PSME3IP1: variants seen among roughly 807,000 people sequenced by gnomAD.
PSME3IP1 encodes the protein proteasome activator subunit 3 interacting protein 1.
In PSME3IP1, 13 loss-of-function variants were observed where a neutral mutation model predicts 34.1. The observed-to-expected ratio is 0.38, with a 90% CI of 0.25 to 0.61. PSME3IP1 has a LOEUF of 0.61. Among genes scored for constraint, PSME3IP1 ranks in the 20% least tolerant of loss-of-function variants. PSME3IP1 has a pLI of 0.60. For synonymous variants in PSME3IP1, 93 were observed against 114.3 expected (o/e 0.81, Z 1.19); for missense variants, 237 against 301.4 (o/e 0.79, Z 1.58).
rs1197050244 is a variant in PSME3IP1, at chr16:57,153,051, G to T, written c.*1239C>A. ...AAAAACAATTGATGTAGGAATAAGG[G>T]GAATGGATAAAGAATGGTACATGCT... is the stretch of plus-strand genomic sequence containing the variant. On this transcript the variant is annotated 3_prime_UTR_variant, in exon 7 of 7. Coordinates refer to ENST00000309137, the MANE Select transcript of PSME3IP1 (RefSeq NM_024946.4). 1 of 152,668 alleles carries T rather than the reference G, an allele frequency of 6.6e-6. No individual in the cohort carries two copies. Among genetic ancestry groups the T allele is most frequent in the African/African-American group, 2.4e-5 (1 of 41,456 alleles). 9.5% of individuals were successfully genotyped at this position (152,668 alleles called of 1,614,324 possible).
intron 1 of PSME3IP1, chr16:57,174,557 A>G: frequency 1.0e-6 from 1 of 985,394 alleles, no homozygotes; most frequent in Non-Finnish European, 1.2e-6. Flanking sequence ...TTATTTCTGT[A>G]ACATCTGACA....
chr16:57,154,521 G>A lies in PSME3IP1; in HGVS notation c.548-14C>T. The A allele has an allele frequency of 1.3e-6, 2 of 1,585,226 alleles. No homozygotes were observed. Among genetic ancestry groups the A allele is most frequent in the Non-Finnish European group, 1.7e-6 (2 of 1,164,062 alleles). ...AGGATGAGGGCTCTGCAATAAAAGG[G>A]GAAAGACTGTCACTTCATCACCCTT... is the stretch of plus-strand genomic sequence containing the variant. On this transcript the variant is annotated splice_polypyrimidine_tract_variant and intron_variant, in intron 6 of 6. Coordinates refer to ENST00000309137, the MANE Select transcript of PSME3IP1 (RefSeq NM_024946.4). The surrounding 1 kb of genome is among the most constrained non-coding windows in gnomAD (Gnocchi z 4.0).
chr16:57,175,212 A>C (rs1276558831), intron 1 of PSME3IP1, among the ~76,000 whole-genome samples: 1 of 152,070 alleles, frequency 6.6e-6, no homozygotes, highest in Non-Finnish European at 1.5e-5. Flanking sequence ...ATGGGGTTTC[A>C]CTATGTTGGC....
At position 57,165,177 on chromosome 16, in the gene PSME3IP1, A is replaced by G. The variant is rs563875338; in HGVS notation, c.483-1112T>C. Among the ~76,000 whole-genome samples, 14 of 152,068 alleles carry G rather than the reference A, an allele frequency of 9.2e-5. No homozygotes were observed. The South Asian group carries it at 2.7e-3, about 29-fold the overall frequency. On this transcript the variant is annotated intron_variant, in intron 5 of 6. Transcript: ENST00000309137. ...GTTATATATATATATATATATCATC[A>G]TAAGGTGTTAAAACGTGTGTGGCGA... is the stretch of plus-strand genomic sequence containing the variant.
intron 6 of PSME3IP1, among the ~76,000 whole-genome samples, chr16:57,158,696 A>T (rs981388117): frequency 3.3e-5 from 5 of 152,276 alleles, no homozygotes; most frequent in African/African-American, 1.2e-4. Context: ...TCATTTTATC[A>T]AGTACAGACA....
chr16:57,166,792 C>A (rs982862680), intron 5 of PSME3IP1, among the ~76,000 whole-genome samples: 1 of 152,220 alleles, frequency 6.6e-6, no homozygotes, highest in East Asian at 1.9e-4. Flanking sequence ...TATAATTGTA[C>A]TTCATAGGGT....
At chr16:57,175,318 A>G (rs2073080160) in intron 1 of PSME3IP1, among the ~76,000 whole-genome samples, 1 of 151,606 alleles carries the variant, frequency 6.6e-6, no homozygotes, top group African/African-American at 2.4e-5. Context: ...TGGCCATATT[A>G]CTCCTTTTAA....
intron 1 of PSME3IP1, among the ~76,000 whole-genome samples, chr16:57,179,941 C>T (rs2073541009): frequency 6.6e-6 from 1 of 152,154 alleles, no homozygotes; most frequent in African/African-American, 2.4e-5. Context: ...TATTTCTGGC[C>T]AGAAGGCACT....
In PSME3IP1 at chr16:57,173,734, G is replaced by A; in HGVS notation, c.121C>T (p.Pro41Ser). The A allele has an allele frequency of 6.2e-7, 1 of 1,613,790 alleles. No homozygotes were observed. Among genetic ancestry groups the A allele is most frequent in the Non-Finnish European group, 8.5e-7 (1 of 1,179,978 alleles). The change falls in exon 2 of 7, where the codon CCA (proline) becomes TCA (serine). Residue 41 changes from proline (P) to serine (S), a missense_variant. Transcript: ENST00000309137. ...ACTGACTGTCACAGTATACCTTCTGGATCTTCAGGTTTTCGAACTTTCTCC... is the reference window on the plus strand; with the variant it reads ...ACTGACTGTCACAGTATACCTTCTGAATCTTCAGGTTTTCGAACTTTCTCC... ...EWEKVRKPED[P>S]EECPEEVYDP...
intron 4 of PSME3IP1, among the ~76,000 whole-genome samples, chr16:57,167,820 T>G (rs1284743084): frequency 6.6e-6 from 1 of 152,242 alleles, no homozygotes; most frequent in East Asian, 1.9e-4. Context: ...AAGGTGATTT[T>G]ACACTTGATC....
intron 6 of PSME3IP1, among the ~76,000 whole-genome samples, chr16:57,160,640 A>G (rs1352698370): frequency 2.0e-5 from 3 of 152,270 alleles, no homozygotes; most frequent in African/African-American, 2.4e-5. Flanking sequence ...GTGTTCATCA[A>G]TTAAAAAGTA....
chr16:57,181,826 G>C (rs972804908), intron 1 of PSME3IP1: 1 of 152,254 alleles, frequency 6.6e-6, no homozygotes, highest in African/African-American at 2.4e-5. Flanking sequence ...GCAATGCATA[G>C]GGCAAGGCAT....
Position 57,172,862 on chromosome 16 carries a change from T to A in PSME3IP1, c.140A>T (p.Glu47Val). The change falls in exon 3 of 7, where the codon GAG (glutamate) becomes GTG (valine). Residue 47 changes from glutamate to valine, a missense_variant. By Grantham distance (121) the Glu-to-Val change is moderately radical. Coordinates refer to ENST00000309137, the MANE Select transcript of PSME3IP1 (RefSeq NM_024946.4). The stretch of plus-strand genomic sequence containing the variant: ...ATATAGAGATCGAGGGTCATAAACC[T>A]CCTCTGGACATTCTGAAAGGAAAAG... ...KPEDPEECPE[E>V]VYDPRSLYER... The A allele has an allele frequency of 1.2e-6, 2 of 1,608,318 alleles. No individual in the cohort carries two copies. The highest frequency in any genetic ancestry group is 1.1e-5 in the South Asian group (1 of 90,980).
chr16:57,165,092 T>G (rs2071706083), intron 5 of PSME3IP1, among the ~76,000 whole-genome samples: 1 of 149,306 alleles, frequency 6.7e-6, no homozygotes, highest in African/African-American at 2.5e-5. Context: ...CAAAACCACA[T>G]GCAATTAAGT....
intron 4 of PSME3IP1, among the ~76,000 whole-genome samples, chr16:57,170,552 G>A (rs2072450641): frequency 6.6e-6 from 1 of 152,166 alleles, no homozygotes; most frequent in Non-Finnish European, 1.5e-5. Context: ...TTCCTCACAT[G>A]AAGATAAATG....
Position 57,154,233 on chromosome 16 carries a change from A to G in PSME3IP1, c.*57T>C. ...TTTGAGGGACATAATGCCTATAGGC[A>G]GCATGAACGGTCCGATCTACCCTTG... On this transcript the variant is annotated 3_prime_UTR_variant, in exon 7 of 7. Coordinates refer to ENST00000309137, the MANE Select transcript of PSME3IP1 (RefSeq NM_024946.4). The surrounding 1 kb of genome is among the most constrained non-coding windows in gnomAD (Gnocchi z 4.0). 1 of 1,482,546 alleles carries G rather than the reference A, an allele frequency of 6.7e-7. No individual in the cohort carries two copies. 91.8% of individuals were successfully genotyped at this position (1,482,546 alleles called of 1,614,324 possible). A position where few individuals can be genotyped will look rare whatever the true frequency, so the allele number is the denominator to read the frequency against.
At chr16:57,165,513 G>T (rs2071760289) in intron 5 of PSME3IP1, among the ~76,000 whole-genome samples, 1 of 152,148 alleles carries the variant, frequency 6.6e-6, no homozygotes, top group Admixed American at 6.5e-5. Context: ...ATTGCTGCTT[G>T]TTTTGGTCTT....
chr16:57,184,325 C>T (rs562746016), intron 1 of PSME3IP1, among the ~76,000 whole-genome samples: 1 of 151,824 alleles, frequency 6.6e-6, no homozygotes, highest in East Asian at 1.9e-4. Flanking sequence ...ATGAAAGACA[C>T]TAATCCACAG....
intron 5 of PSME3IP1, among the ~76,000 whole-genome samples, 187 bp downstream of exon 5, chr16:57,166,906 T>G (rs1597656130): frequency 6.6e-6 from 1 of 152,274 alleles, no homozygotes; most frequent in East Asian, 1.9e-4. Context: ...GTTGAATAAG[T>G]GATCAGAGAG....
Sources: allele counts gnomAD v4.1 joint callset (sites outside exome capture counted in the v4.1 genomes callset), GRCh38; gene constraint gnomAD v4.1.1; non-coding constraint Gnocchi (gnomAD v3.1); transcripts MANE v1.5; gene names NCBI Gene and HGNC (gene_info 2026-07-23, HGNC 2026-07-21).